The following CTNNA2 variants were observed in gnomAD, a reference collection of about 807,000 sequenced individuals.
The protein encoded by CTNNA2 is catenin alpha 2, also known as catenin alpha-2.
CTNNA2 carries 42 observed loss-of-function variants against 101.0 expected under a neutral mutation model. That is an observed-to-expected ratio of 0.42 (90% confidence interval 0.32 to 0.54). The LOEUF is 0.54. CTNNA2 is among the 20% of genes least tolerant of loss of function. The pLI is 0.14. For synonymous variants in CTNNA2, 450 were observed against 456.4 expected (o/e 0.99, Z 0.18); for missense variants, 871 against 1,223.1 (o/e 0.71, Z 4.29).
At chr2:80,239,699 G>C (rs1709741261) in intron 7 of CTNNA2, among the ~76,000 whole-genome samples, 1 of 151,924 alleles carries the variant, frequency 6.6e-6, no homozygotes, top group Non-Finnish European at 1.5e-5. Context: ...ATCACCTGAG[G>C]TCAGGAGTTC....
chr2:79,251,733 A>C (rs6710298), intron 2 of CTNNA2, among the ~76,000 whole-genome samples: 3 of 151,810 alleles, frequency 2.0e-5, no homozygotes, highest in African/African-American at 7.3e-5. Context: ...GTCCTCCCCA[A>C]CTTGGGCCTG....
rs17040692 is a variant in CTNNA2 at position 80,294,134 on chromosome 2, A to T, written c.1057-99077A>T. On this transcript the variant is annotated intron_variant, in intron 7 of 18. Coordinates refer to ENST00000402739, the MANE Select transcript of CTNNA2 (RefSeq NM_001282597.3). ...AGCGGGAGAAGGACTCAGAATTTAG[A>T]AGAGACATTTCTCAGTGCCAGCCCA... is the stretch of plus-strand genomic sequence containing the variant. Among the ~76,000 whole-genome samples, 847 of 152,238 alleles carry T rather than the reference A, an allele frequency of 5.6e-3. 12 individuals are homozygous for T. Among genetic ancestry groups the T allele is most frequent in the African/African-American group, 0.02 (814 of 41,538 alleles).
At chr2:79,541,222 A>G (rs202132533) in intron 1 of CTNNA2, among the ~76,000 whole-genome samples, 1 of 143,608 alleles carries the variant, frequency 7.0e-6, no homozygotes. Flanking sequence ...ATATATATAT[A>G]TGTACACACA....
chr2:79,812,026 C>T (rs895455841), intron 3 of CTNNA2, among the ~76,000 whole-genome samples: 1 of 152,056 alleles, frequency 6.6e-6, no homozygotes, highest in Admixed American at 6.5e-5. Flanking sequence ...TTTACTGATT[C>T]TATATAGAAA....
At chr2:79,989,000 T>C (rs1202538466) in intron 7 of CTNNA2, among the ~76,000 whole-genome samples, 1 of 152,204 alleles carries the variant, frequency 6.6e-6, no homozygotes, top group Non-Finnish European at 1.5e-5. Context: ...TGGATCATTG[T>C]TTGGTTAATG....
chr2:80,339,174 C>T (rs982283056), intron 7 of CTNNA2, among the ~76,000 whole-genome samples: 6 of 151,816 alleles, frequency 4.0e-5, no homozygotes, highest in Admixed American at 2.6e-4. Flanking sequence ...AATAATATAA[C>T]GTGTGTGTGT....
At chr2:80,559,028 T>C (rs1693312506) in intron 12 of CTNNA2, among the ~76,000 whole-genome samples, 1 of 152,126 alleles carries the variant, frequency 6.6e-6, no homozygotes, top group Non-Finnish European at 1.5e-5. Context: ...ACCTGCTAAA[T>C]GTTTGTAGCA....
At position 79,369,900 on chromosome 2, in the gene CTNNA2, C is replaced by T. The variant is rs138508175; in HGVS notation, c.-317-3931C>T. Among the ~76,000 whole-genome samples the T allele has an allele frequency of 1.1e-3, 167 of 152,284 alleles. 2 individuals are homozygous for T. Among genetic ancestry groups the T allele is most frequent in the African/African-American group, 3.9e-3 (163 of 41,562 alleles). Reference sequence around the variant, plus strand: ...TTATAATTGCTAGCGTGTAATTTCACAATTAATTTTCTTCTCCCTGTTTTG... The same window carrying T: ...TTATAATTGCTAGCGTGTAATTTCATAATTAATTTTCTTCTCCCTGTTTTG... On this transcript the variant is annotated intron_variant, in intron 3 of 21. Coordinates refer to the CTNNA2 transcript ENST00000466387.
rs543137006 is a variant in CTNNA2 at position 79,557,240 on chromosome 2, G to A, written c.-6+44033G>A. On this transcript the variant is annotated intron_variant, in intron 1 of 18. Transcript: ENST00000402739. ...ATTTCATAACCTACAACTTTTGCCC[G>A]TTAGGAGAGTTCAGGGCCTAAGGTG... is the stretch of plus-strand genomic sequence containing the variant. Among the ~76,000 whole-genome samples, 25 of 152,020 alleles carry A rather than the reference G, an allele frequency of 1.6e-4. 2 individuals carry two copies. The highest frequency in any genetic ancestry group is 6.8e-3 in the Middle Eastern group (2 of 294).
intron 9 of CTNNA2, among the ~76,000 whole-genome samples, chr2:80,538,901 T>C (rs1691285880): frequency 6.6e-6 from 1 of 152,224 alleles, no homozygotes; most frequent in South Asian, 2.1e-4. Context: ...CTTATTTCCT[T>C]GAGCAGTGGT....
intron 2 of CTNNA2, among the ~76,000 whole-genome samples, chr2:79,255,523 T>G (rs2104278568): frequency 6.6e-6 from 1 of 152,292 alleles, no homozygotes; most frequent in Middle Eastern, 3.4e-3. Flanking sequence ...AACTGAGGCA[T>G]GTGTATATTG....
At chr2:79,292,581 G>T (rs939638038) in intron 2 of CTNNA2, among the ~76,000 whole-genome samples, 2 of 152,076 alleles carry the variant, frequency 1.3e-5, no homozygotes, top group African/African-American at 4.8e-5. Context: ...TAGAAGCAGG[G>T]GTATGGTTAA....
intron 4 of CTNNA2, among the ~76,000 whole-genome samples, chr2:79,504,033 G>A (rs1671359006): frequency 6.6e-6 from 1 of 152,134 alleles, no homozygotes; most frequent in Non-Finnish European, 1.5e-5. Context: ...ACAACCCAAA[G>A]AGGCTACTCC....
At chr2:79,874,539 C>T (rs1373841293) in intron 6 of CTNNA2, among the ~76,000 whole-genome samples, 197 bp downstream of exon 6, 1 of 152,144 alleles carries the variant, frequency 6.6e-6, no homozygotes, top group Non-Finnish European at 1.5e-5. Context: ...AAAGAAACAA[C>T]TGTGGCTGCG....
intron 7 of CTNNA2, among the ~76,000 whole-genome samples, chr2:80,197,033 C>T (rs577830003): frequency 4.6e-5 from 7 of 152,164 alleles, no homozygotes; most frequent in Non-Finnish European, 1.0e-4. Context: ...CTCTTGCCTC[C>T]TTTCCCCTCT....
intron 4 of CTNNA2, among the ~76,000 whole-genome samples, chr2:79,504,169 T>C (rs576680683): frequency 2.4e-4 from 36 of 152,320 alleles, no homozygotes; most frequent in African/African-American, 8.7e-4. Flanking sequence ...AAAGTTATTC[T>C]AATGTGAGTA....
chr2:79,827,687 G>T (rs1189401869), intron 3 of CTNNA2, among the ~76,000 whole-genome samples: 1 of 152,170 alleles, frequency 6.6e-6, no homozygotes, highest in Non-Finnish European at 1.5e-5. Flanking sequence ...AAAGGAATAT[G>T]TATCATTATA....
At chr2:80,647,209 A>G (rs188343349) in intron 18 of CTNNA2, among the ~76,000 whole-genome samples, 98 of 152,244 alleles carry the variant, frequency 6.4e-4, no homozygotes, top group African/African-American at 2.3e-3. Flanking sequence ...GAAATAGCCT[A>G]TAGATAGATA....
At chr2:79,367,949 T>A (rs1298944931) in intron 3 of CTNNA2, among the ~76,000 whole-genome samples, 3 of 152,162 alleles carry the variant, frequency 2.0e-5, no homozygotes, top group Admixed American at 6.5e-5. Context: ...ACTACCTACC[T>A]TACAGAGGTG....
Sources: allele counts gnomAD v4.1 joint callset (sites outside exome capture counted in the v4.1 genomes callset), GRCh38; gene constraint gnomAD v4.1.1; transcripts MANE v1.5; gene names NCBI Gene and HGNC (gene_info 2026-07-23, HGNC 2026-07-21).